The following DNAH8 variants were observed in gnomAD, a reference collection of about 807,000 sequenced individuals.
The protein encoded by DNAH8 is axonemal beta dynein heavy chain 8.
In DNAH8, 382 loss-of-function variants were observed where a neutral mutation model predicts 562.1. The ratio of observed to expected loss-of-function variants is 0.68; its 90% CI spans 0.63 to 0.74. DNAH8 has a LOEUF of 0.74. Ranked by LOEUF, DNAH8 falls within the 30% of genes least tolerant of loss-of-function variation. The pLI, the probability that DNAH8 is intolerant of heterozygous loss-of-function variation, is 0.00. For synonymous variants in DNAH8, 1,881 were observed against 1,919.4 expected (o/e 0.98, Z 0.52); for missense variants, 5,203 against 5,620.4 (o/e 0.93, Z 2.37).
chr6:38,719,025 C>A (rs1762546556), intron 1 of DNAH8, among the ~76,000 whole-genome samples: 2 of 152,164 alleles, frequency 1.3e-5, no homozygotes, highest in Admixed American at 1.3e-4. Context: ...TCTATTTTGT[C>A]CACGTTTCTC....
chr6:38,833,623 G>A (rs1774032458), intron 31 of DNAH8, among the ~76,000 whole-genome samples: 1 of 152,054 alleles, frequency 6.6e-6, no homozygotes, highest in South Asian at 2.1e-4. Flanking sequence ...ATATAACTGG[G>A]GACTTTCCAG....
At chr6:38,994,644 T>C (rs986109230) in intron 88 of DNAH8, among the ~76,000 whole-genome samples, 2 of 109,722 alleles carry the variant, frequency 1.8e-5, no homozygotes, top group Non-Finnish European at 3.7e-5. Context: ...AGTGACTTTT[T>C]TTTTCTTTTT....
chr6:38,725,394 G>A (rs747896857), intron 3 of DNAH8, among the ~76,000 whole-genome samples: 4 of 151,522 alleles, frequency 2.6e-5, no homozygotes, highest in Admixed American at 6.6e-5. Flanking sequence ...AATTGTCTGC[G>A]CTTCATGTCG....
Position 38,882,902 on chromosome 6 carries a change from T to C in DNAH8, c.7859-8T>C, listed in dbSNP as rs202181803. On this transcript the variant is annotated splice_polypyrimidine_tract_variant and splice_region_variant and intron_variant, in intron 53 of 92. Transcript: ENST00000327475. ...TTCTATTAAGATGAAATTTTACTTATTATATAGGTGATTGGGAGCACTGGA... is the reference window on the plus strand; with the variant it reads ...TTCTATTAAGATGAAATTTTACTTACTATATAGGTGATTGGGAGCACTGGA... 5.8e-6 allele frequency: 9 copies of C among 1,546,460 alleles called. No individual in the cohort carries two copies. Among genetic ancestry groups the C allele is most frequent in the Non-Finnish European group, 6.9e-6 (8 of 1,151,486 alleles).
In DNAH8 at chr6:38,990,032, G is replaced by A. The variant is rs952221460; in HGVS notation, c.13074G>A (p.Met4358Ile). 3 of 1,599,908 alleles carry A rather than the reference G, an allele frequency of 1.9e-6. No homozygotes were observed. Among genetic ancestry groups the A allele is most frequent in the Non-Finnish European group, 2.6e-6 (3 of 1,168,736 alleles). Residue 4358 changes from methionine to isoleucine, a missense_variant, in exon 88 of 93, where the codon ATG becomes ATA. Physicochemically the swap from Met to Ile is conservative, Grantham distance 10 (BLOSUM62 1). This residue lies in a region of DNAH8 where 1,399 missense variants were observed against 1,518.4 expected (regional missense o/e 0.92). Transcript: ENST00000327475. ...CFARVWFSEK[M>I]FEPSFCFYTG... ...TACAGGTCTGGTTCAGTGAGAAGAT[G>A]TTTGAACCGTCATTCTGCTTTTATA... is the stretch of plus-strand genomic sequence containing the variant.
At chr6:38,781,863 AC>A (rs1262374510) in intron 16 of DNAH8, among the ~76,000 whole-genome samples, 1 of 152,064 alleles carries the variant, frequency 6.6e-6, no homozygotes, top group Non-Finnish European at 1.5e-5. Flanking sequence ...TTTCTGAAAA[AC>A]AGGACAGTCT....
intron 80 of DNAH8, among the ~76,000 whole-genome samples, 168 bp downstream of exon 80, chr6:38,945,756 C>T (rs1410244648): frequency 2.0e-5 from 3 of 152,112 alleles, no homozygotes; most frequent in Admixed American, 6.5e-5. Context: ...ACAGATGGAC[C>T]TCAGGGTTAA....
intron 8 of DNAH8, among the ~76,000 whole-genome samples, chr6:38,745,157 A>G (rs55902132): frequency 0.19 from 28,157 of 152,192 alleles, 3,391 homozygotes; most frequent in Non-Finnish European, 0.27. Flanking sequence ...CCCTAAACTC[A>G]GTATTCCTCA....
At chr6:38,848,113 C>G (rs943279486) in intron 36 of DNAH8, among the ~76,000 whole-genome samples, 3 of 152,190 alleles carry the variant, frequency 2.0e-5, no homozygotes, top group African/African-American at 7.2e-5. Flanking sequence ...ACCTAACCCT[C>G]TCCTGATCTT....
In DNAH8 at chr6:38,931,872, A is replaced by T; in HGVS notation, c.11336A>T (p.Lys3779Met). Residue 3779 changes from lysine to methionine, a missense_variant, in exon 76 of 93, where the codon AAG (lysine) becomes ATG (methionine). By Grantham distance (95) the Lys-to-Met change is moderately conservative. Around this residue, in one of 6 missense-constraint regions of DNAH8, gnomAD observed 1,399 missense variants for 1,518.4 expected, o/e 0.92. Coordinates refer to ENST00000327475, the MANE Select transcript of DNAH8 (RefSeq NM_001206927.2). ...MDTFKLYITTKLPNPAFTPEI... is the reference protein window; with the variant it reads ...MDTFKLYITTMLPNPAFTPEI... ...ACATTTAAACTTTACATTACTACGA[A>T]GTTACCAAATCCTGCCTTTACCCCA... is the stretch of plus-strand genomic sequence containing the variant. 1 of 1,611,014 alleles carries T rather than the reference A, an allele frequency of 6.2e-7. No individual in the cohort carries two copies. The highest frequency in any genetic ancestry group is 1.1e-5 in the South Asian group (1 of 90,380).
At chr6:38,964,959 G>A (rs897099214) in intron 82 of DNAH8, among the ~76,000 whole-genome samples, 9 of 152,048 alleles carry the variant, frequency 5.9e-5, no homozygotes, top group African/African-American at 2.2e-4. Flanking sequence ...AGCTACTCAG[G>A]AAGCTGAGGC....
At chr6:38,990,485 G>A (rs1764706700) in intron 88 of DNAH8, among the ~76,000 whole-genome samples, 1 of 152,192 alleles carries the variant, frequency 6.6e-6, no homozygotes, top group Non-Finnish European at 1.5e-5. Context: ...CAGAAGAGTG[G>A]TCTGCCAGCT....
At chr6:38,850,503 G>T in intron 38 of DNAH8, 89 bp downstream of exon 38, 1 of 1,206,706 alleles carries the variant, frequency 8.3e-7, no homozygotes, top group South Asian at 1.6e-5. Flanking sequence ...TTTCTGGTTT[G>T]GTAGTGATGG....
chr6:38,951,050 C>T lies in DNAH8; in HGVS notation c.12249-268C>T, dbSNP rs73731161. On this transcript the variant is annotated intron_variant, in intron 81 of 92. Coordinates refer to ENST00000327475, the MANE Select transcript of DNAH8 (RefSeq NM_001206927.2). ...GCTTCAGAGTGTGTGGCAGGTCAGC[C>T]CCTACCATGTGTTGGAGCTGGTAGA... Among the ~76,000 whole-genome samples the T allele has an allele frequency of 4.9e-4, 75 of 152,210 alleles. 1 individual carries two copies. The highest frequency in any genetic ancestry group is 1.7e-3 in the African/African-American group (71 of 41,532).
Position 38,826,330 on chromosome 6 carries a change from A to G in DNAH8, c.4022A>G (p.Glu1341Gly). ...RDLDDVRFAM[E>G]ALSCIRDNEI... Reference sequence around the variant, plus strand: ...TTAGATGATGTCAGATTTGCAATGGAAGCCTTGTCTTGCATACGTGATAAT... The same window carrying G: ...TTAGATGATGTCAGATTTGCAATGGGAGCCTTGTCTTGCATACGTGATAAT... Residue 1341 changes from glutamate (E) to glycine (G), a missense_variant, in exon 29 of 93, where the codon GAA becomes GGA. By Grantham distance (98) the Glu-to-Gly change is moderately conservative (BLOSUM62 -2). Transcript: ENST00000327475. 1 of 1,613,672 alleles carries G rather than the reference A, an allele frequency of 6.2e-7. No homozygotes were observed. Among genetic ancestry groups the G allele is most frequent in the Non-Finnish European group, 8.5e-7 (1 of 1,179,772 alleles).
At chr6:38,731,829 T>C (rs560064825) in intron 4 of DNAH8, among the ~76,000 whole-genome samples, 18 of 152,256 alleles carry the variant, frequency 1.2e-4, no homozygotes, top group African/African-American at 3.6e-4. Flanking sequence ...ATTTTCCTGC[T>C]TCAGCCTCCT....
chr6:39,010,820 CGTATGTAT>C (rs1554163117), intron 89 of DNAH8, among the ~76,000 whole-genome samples: 52,608 of 132,252 alleles, frequency 0.4, 10,472 homozygotes, highest in Non-Finnish European at 0.47. Context: ...CACACACACA[CGTATGTAT>C]GTATGTATGT....
At chr6:38,841,929 T>C (rs959138595) in intron 33 of DNAH8, among the ~76,000 whole-genome samples, 15 of 152,276 alleles carry the variant, frequency 9.9e-5, no homozygotes, top group African/African-American at 3.6e-4. Context: ...AAGCTCAATC[T>C]TAAAGGCAGA....
chr6:38,797,997 G>C (rs535585831), intron 21 of DNAH8, among the ~76,000 whole-genome samples: 1 of 151,974 alleles, frequency 6.6e-6, no homozygotes, highest in East Asian at 1.9e-4. Flanking sequence ...AGAATCGCTT[G>C]AACCTGGGAG....
Sources: gnomAD v4.1 joint callset for allele counts (sites outside exome capture counted in the v4.1 genomes callset) on GRCh38, gnomAD v4.1.1 for gene constraint, gnomAD v4.1.1 regional missense constraint, MANE v1.5 for transcripts, NCBI Gene and HGNC (gene_info 2026-07-23, HGNC 2026-07-21) for gene names.